The following PCDH15 variants were observed in gnomAD, a reference collection of about 807,000 sequenced individuals.
The protein encoded by PCDH15 is protocadherin-15.
PCDH15 carries 129 observed loss-of-function variants against 178.5 expected under a neutral mutation model. The ratio of observed to expected loss-of-function variants is 0.72; its 90% CI spans 0.63 to 0.84. The LOEUF (loss-of-function observed/expected upper bound fraction) is 0.84, where lower values mean the gene tolerates loss of function less well. Among genes scored for constraint, PCDH15 ranks in the 40% least tolerant of loss-of-function variants. The pLI is 0.00. For synonymous variants in PCDH15, 800 were observed against 732.0 expected (o/e 1.09, Z -1.50); for missense variants, 2,230 against 2,099.9 (o/e 1.06, Z -1.21).
At chr10:55,510,917 G>A (rs1478365786) in intron 2 of PCDH15, among the ~76,000 whole-genome samples, 1 of 151,178 alleles carries the variant, frequency 6.6e-6, no homozygotes, top group East Asian at 2.0e-4. Flanking sequence ...CTGGAGTGCA[G>A]TGGAGTGATC....
intron 2 of PCDH15, among the ~76,000 whole-genome samples, chr10:55,150,470 C>T (rs1244782949): frequency 1.3e-5 from 2 of 152,014 alleles, no homozygotes; most frequent in Non-Finnish European, 2.9e-5. Flanking sequence ...TCTCCCCCGC[C>T]AAATATTGTG....
At chr10:54,103,336 C>T (rs2094846656) in intron 15 of PCDH15, among the ~76,000 whole-genome samples, 1 of 152,306 alleles carries the variant, frequency 6.6e-6, no homozygotes, top group South Asian at 2.1e-4. Context: ...TTTGCCTCTG[C>T]TGTCCATTAT....
rs147674251 is a variant in PCDH15 at position 54,140,146 on chromosome 10, C to A, written c.1785-7139G>T. Among the ~76,000 whole-genome samples, 924 of 152,142 alleles carry A rather than the reference C, an allele frequency of 6.1e-3. 5 individuals are homozygous for A. The highest frequency in any genetic ancestry group is 0.021 in the African/African-American group (855 of 41,504). ...CATTGTTCATAGTTAAAGCTCATAT[C>A]TTAATGAATGTAAAATATAAATTAT... On this transcript the variant is annotated intron_variant, in intron 14 of 37. Coordinates refer to ENST00000644397, the MANE Select transcript of PCDH15 (RefSeq NM_001384140.1).
chr10:53,977,451 C>A (rs1437209657), intron 21 of PCDH15, among the ~76,000 whole-genome samples: 4 of 152,156 alleles, frequency 2.6e-5, no homozygotes, highest in Non-Finnish European at 4.4e-5. Context: ...TGATCCTAGA[C>A]CAAACCCCTG....
chr10:54,967,752 G>A (rs1387346918), intron 2 of PCDH15, among the ~76,000 whole-genome samples: 1 of 152,154 alleles, frequency 6.6e-6, no homozygotes, highest in East Asian at 1.9e-4. Context: ...TAACAGAAAT[G>A]TATTTCCTTA....
intron 1 of PCDH15, among the ~76,000 whole-genome samples, chr10:55,303,095 A>C (rs1395337271): frequency 6.6e-6 from 1 of 152,070 alleles, no homozygotes; most frequent in Admixed American, 6.6e-5. Context: ...AGATATATAT[A>C]TATATATATA....
intron 15 of PCDH15, among the ~76,000 whole-genome samples, chr10:54,109,017 A>C (rs897696867): frequency 6.6e-6 from 1 of 152,194 alleles, no homozygotes; most frequent in Non-Finnish European, 1.5e-5. Context: ...AGTGATACCC[A>C]GGTAGTACAC....
At chr10:54,578,314 G>A (rs111442558) in intron 2 of PCDH15, among the ~76,000 whole-genome samples, 2,886 of 152,060 alleles carry the variant, frequency 0.019, 88 homozygotes, top group African/African-American at 0.065. Context: ...TTATAAATAT[G>A]AGTCTCAAAC....
chr10:55,272,154 A>C (rs1330035724), intron 1 of PCDH15, among the ~76,000 whole-genome samples: 3 of 151,982 alleles, frequency 2.0e-5, no homozygotes, highest in Non-Finnish European at 2.9e-5. Flanking sequence ...CCAGAAGCTT[A>C]TGCCAATTAG....
rs927005715 is a variant in PCDH15, at chr10:55,128,863, C to T, written c.-80+37713G>A. On this transcript the variant is annotated intron_variant, in intron 2 of 5. Transcript: ENST00000458638. ...TTGAAGTATTTGAGGCTTAACGCTA[C>T]TTGCAAGCATCAAGTTAGCCTGCCA... Among the ~76,000 whole-genome samples the T allele has an allele frequency of 3.0e-4, 45 of 152,112 alleles. 1 individual carries two copies. The highest frequency in any genetic ancestry group is 6.2e-4 in the Non-Finnish European group (42 of 67,958).
At chr10:54,624,109 C>T (rs544612458) in intron 2 of PCDH15, among the ~76,000 whole-genome samples, 84 of 152,082 alleles carry the variant, frequency 5.5e-4, no homozygotes, top group Middle Eastern at 6.8e-3. Flanking sequence ...TTTGCTCATG[C>T]GGAAATATGT....
rs1333621982 is a variant in PCDH15 at position 54,027,766 on chromosome 10, C to T, written c.2221-4569G>A. Among the ~76,000 whole-genome samples, 13 of 144,564 alleles carry T rather than the reference C, an allele frequency of 9.0e-5. No individual in the cohort carries two copies. The Admixed American group carries it at 9.1e-4, about 10-fold the overall frequency. The allele number at this position is 144,564 out of a possible 152,430, so 94.8% of individuals were successfully genotyped here. Reference sequence around the variant, plus strand: ...GAGAAAGCTGAAACTGGATCCCTTCCTTACACCTTATACAAAAATCAATTC... The same window carrying T: ...GAGAAAGCTGAAACTGGATCCCTTCTTTACACCTTATACAAAAATCAATTC... On this transcript the variant is annotated intron_variant, in intron 18 of 37. Coordinates refer to ENST00000644397, the MANE Select transcript of PCDH15 (RefSeq NM_001384140.1).
chr10:54,470,216 G>A (rs1049308461), intron 3 of PCDH15, among the ~76,000 whole-genome samples: 1 of 152,194 alleles, frequency 6.6e-6, no homozygotes, highest in Non-Finnish European at 1.5e-5. Flanking sequence ...TTCAGTTTTA[G>A]TACACACGAG....
chr10:54,569,565 A>G (rs1205632091), intron 2 of PCDH15, among the ~76,000 whole-genome samples: 2 of 152,164 alleles, frequency 1.3e-5, no homozygotes, highest in African/African-American at 4.8e-5. Flanking sequence ...GTGTTGGGAT[A>G]AGATAATTGT....
chr10:54,547,799 A>G (rs528799827), intron 2 of PCDH15, among the ~76,000 whole-genome samples: 71 of 152,222 alleles, frequency 4.7e-4, no homozygotes, highest in African/African-American at 1.6e-3. Flanking sequence ...ACCCTTAGGA[A>G]CGAACAAAAG....
chr10:53,807,013 T>C lies in PCDH15; in HGVS notation c.4789A>G (p.Ser1597Gly). The C allele has an allele frequency of 1.2e-6, 2 of 1,613,762 alleles. No homozygotes were observed. Among genetic ancestry groups the C allele is most frequent in the Non-Finnish European group, 1.7e-6 (2 of 1,179,792 alleles). ...ATATATATATTGCCGTTGATATTAC[T>C]GTGGATACTAGGATGGTGAAGACGG... is the stretch of plus-strand genomic sequence containing the variant. ...RNRLHHPSIHSNINGNIYIAQ... is the reference protein window; with the variant it reads ...RNRLHHPSIHGNINGNIYIAQ... Residue 1597 changes from serine to glycine, a missense_variant, in exon 38 of 38, where the codon AGT becomes GGT. By Grantham distance (56) the Ser-to-Gly change is moderately conservative (BLOSUM62 0). Coordinates refer to ENST00000644397, the MANE Select transcript of PCDH15 (RefSeq NM_001384140.1).
chr10:54,582,726 T>C (rs1340848096), intron 2 of PCDH15, among the ~76,000 whole-genome samples: 2 of 151,940 alleles, frequency 1.3e-5, no homozygotes, highest in East Asian at 3.9e-4. Context: ...GCATGGGCAA[T>C]GTAGGGAGGC....
chr10:55,095,926 G>C (rs1842440426), intron 2 of PCDH15, among the ~76,000 whole-genome samples: 1 of 151,842 alleles, frequency 6.6e-6, no homozygotes, highest in Non-Finnish European at 1.5e-5. Context: ...AGGAGCTGTG[G>C]GTCCTATTCT....
At chr10:55,014,755 C>A (rs1273482171) in intron 2 of PCDH15, among the ~76,000 whole-genome samples, 1 of 152,086 alleles carries the variant, frequency 6.6e-6, no homozygotes, top group African/African-American at 2.4e-5. Context: ...GAGACACATG[C>A]TACTTTACTA....
Sources: gnomAD v4.1 joint callset for allele counts (sites outside exome capture counted in the v4.1 genomes callset) on GRCh38, gnomAD v4.1.1 for gene constraint, MANE v1.5 for transcripts, NCBI Gene and HGNC (gene_info 2026-07-23, HGNC 2026-07-21) for gene names.